The following SLC37A1 variants were observed in gnomAD, a reference collection of about 807,000 sequenced individuals.
SLC37A1 encodes the protein solute carrier family 37 member 1, also known as glucose-6-phosphate exchanger SLC37A1.
SLC37A1 carries 49 observed loss-of-function variants against 75.3 expected under a neutral mutation model. The observed-to-expected ratio is 0.65, with a 90% CI of 0.52 to 0.83. The LOEUF is 0.83. Ranked by LOEUF, SLC37A1 falls within the 40% of genes least tolerant of loss-of-function variation. The probability of loss-of-function intolerance (pLI) is 0.00; values close to 1 mark genes in which losing one functional copy is unlikely to be tolerated. For missense variants in SLC37A1, 566 were observed against 695.0 expected, an observed-to-expected ratio of 0.81 and a Z score of 2.09; for synonymous variants, 268 against 292.1, an observed-to-expected ratio of 0.92 and a Z score of 0.84.
chr21:42,565,869 AC>A lies in SLC37A1; in HGVS notation c.1266del (p.Ile423SerfsTer32). 6.2e-7 allele frequency: 1 copy of A among 1,613,890 alleles called. No individual in the cohort carries two copies. The highest frequency in any genetic ancestry group is 8.5e-7 in the Non-Finnish European group (1 of 1,179,810). On this transcript the variant is annotated frameshift_variant, in exon 15 of 20. Transcript: ENST00000352133. LOFTEE classifies it high-confidence loss of function. The part of the protein sequence containing the change: ...STVSKMGLEA[T>X]IAMLLLSGAL... ...CGTCAGCAAGATGGGGCTTGAGGCC[AC>A]CATCGGTGAGTATGGAGGCCTTCCT...
At chr21:42,577,795 T>A (rs2056339158) in intron 18 of SLC37A1, among the ~76,000 whole-genome samples, 1 of 152,170 alleles carries the variant, frequency 6.6e-6, no homozygotes, top group Non-Finnish European at 1.5e-5. Context: ...CAGGCACTGG[T>A]TATTTACAAG....
rs975649203 is a variant in SLC37A1, at chr21:42,580,747, G to A, written c.*387G>A. 4.6e-5 allele frequency: 14 copies of A among 304,324 alleles called. 1 individual carries two copies. The highest frequency in any genetic ancestry group is 3.2e-4 in the South Asian group (8 of 25,212). 18.9% of individuals were successfully genotyped at this position (304,324 alleles called of 1,614,324 possible). ...CCAGCCACAGAACATCAAAGTGAGC[G>A]AGTACTGCGCTGGCTGTGGCTTCAG... On this transcript the variant is annotated 3_prime_UTR_variant, in exon 20 of 20. Transcript: ENST00000352133.
In SLC37A1 at chr21:42,514,577, C is replaced by T. The variant is rs1229864786; in HGVS notation, c.-319C>T. 3 of 152,250 alleles carry T rather than the reference C, an allele frequency of 2.0e-5. No homozygotes were observed. The highest frequency in any genetic ancestry group is 7.2e-5 in the African/African-American group (3 of 41,468). 9.4% of individuals were successfully genotyped at this position (152,250 alleles called of 1,614,324 possible). ...GGCTGAGCAGCTGGTTCCCGGAGCC[C>T]GTGGGCCTCCTGGCCAATGCGAGTG... On this transcript the variant is annotated 5_prime_UTR_variant, in exon 1 of 20. Coordinates refer to ENST00000352133, the MANE Select transcript of SLC37A1 (RefSeq NM_001320537.2). This position sits in a 1 kb window ranked among gnomAD's most constrained non-coding sequence, Gnocchi z 4.8.
In SLC37A1 at chr21:42,563,711, T is replaced by C. The variant is rs552087191; in HGVS notation, c.1073-104T>C. ...ATTGCTCCTCGGTATAAATCAAGCT[T>C]ATGAAGCCAGAGTCCCGTGCACGGG... On this transcript the variant is annotated intron_variant, in intron 12 of 19. Coordinates refer to ENST00000352133, the MANE Select transcript of SLC37A1 (RefSeq NM_001320537.2). The C allele has an allele frequency of 1.0e-4, 104 of 996,186 alleles. 1 individual carries two copies. In the African/African-American group the frequency reaches 1.4e-3, roughly 14 times the overall value. The allele number at this position is 996,186 out of a possible 1,614,324, so 61.7% of individuals were successfully genotyped here. A position where few individuals can be genotyped will look rare whatever the true frequency, so the allele number is the denominator to read the frequency against.
At chr21:42,542,099 A>C (rs2055296461) in intron 6 of SLC37A1, among the ~76,000 whole-genome samples, 1 of 152,136 alleles carries the variant, frequency 6.6e-6, no homozygotes, top group African/African-American at 2.4e-5. Context: ...CCACACTGTT[A>C]TGAGGTGTGA....
Position 42,534,762 on chromosome 21 carries a change from G to A in SLC37A1, c.203G>A (p.Arg68Lys), listed in dbSNP as rs866318638. 2 of 1,614,118 alleles carry A rather than the reference G, an allele frequency of 1.2e-6. No homozygotes were observed. The highest frequency in any genetic ancestry group is 1.7e-6 in the Non-Finnish European group (2 of 1,180,004). ...EADVRFSSQN[R>K]KSGSAAPHQL... Reference sequence around the variant, plus strand: ...GACGTCAGGTTCAGCAGCCAGAACAGGAAGTCTGGGTCCGCTGCCCCCCAC... The same window carrying A: ...GACGTCAGGTTCAGCAGCCAGAACAAGAAGTCTGGGTCCGCTGCCCCCCAC... Residue 68 changes from arginine to lysine, a missense_variant, in exon 4 of 20, where the codon AGG becomes AAG. By Grantham distance (26) the Arg-to-Lys change is conservative. Coordinates refer to ENST00000352133, the MANE Select transcript of SLC37A1 (RefSeq NM_001320537.2).
intron 10 of SLC37A1, among the ~76,000 whole-genome samples, chr21:42,557,864 G>A (rs893364118): frequency 1.3e-5 from 2 of 151,790 alleles, no homozygotes; most frequent in Non-Finnish European, 2.9e-5. Context: ...AAGCCTGTTT[G>A]ATTTTGTGAA....
chr21:42,579,693 G>T, intron 18 of SLC37A1, 43 bp from the exon 19 acceptor site: 2 of 1,611,470 alleles, frequency 1.2e-6, no homozygotes, highest in South Asian at 2.2e-5. Flanking sequence ...GCCGCCCTGT[G>T]CCTGCTCCAG....
Position 42,564,750 on chromosome 21 carries a change from G to C in SLC37A1, c.1178G>C (p.Arg393Thr). The C allele has an allele frequency of 6.2e-7, 1 of 1,609,770 alleles. No homozygotes were observed. Among genetic ancestry groups the C allele is most frequent in the Non-Finnish European group, 8.5e-7 (1 of 1,179,986 alleles). ...AGVISDRLEK[R>T]ASTCGLMLLL... ...GTGATCTCAGACCGACTGGAGAAAA[G>C]GGCCTCCACCTGCGGCCTGATGCTG... The change falls in exon 14 of 20, where the codon AGG becomes ACG. Residue 393 changes from arginine to threonine, a missense_variant. By Grantham distance (71) the Arg-to-Thr change is moderately conservative. Transcript: ENST00000352133.
chr21:42,530,003 A>G (rs1383772113), intron 3 of SLC37A1, among the ~76,000 whole-genome samples: 3 of 152,196 alleles, frequency 2.0e-5, no homozygotes, highest in Non-Finnish European at 4.4e-5. Flanking sequence ...CTTCATAAGC[A>G]TCTTTATGGC....
At chr21:42,526,936 A>T (rs1184902064) in intron 3 of SLC37A1, among the ~76,000 whole-genome samples, 1 of 152,240 alleles carries the variant, frequency 6.6e-6, no homozygotes, top group African/African-American at 2.4e-5. Context: ...CAGTCATTAT[A>T]AATCTGAATA....
rs75643163 is a variant in SLC37A1 at position 42,558,951 on chromosome 21, C to A, written c.850-7C>A. The A allele has an allele frequency of 0.015, 23,525 of 1,613,566 alleles. 2,874 individuals are homozygous for A. The African/African-American group carries it at 0.27, about 18-fold the overall frequency. ...TTCCTTTTTGTTCCCAATGGATTTG[C>A]CTCCAGGACCCAGAGATGCAGTGCC... On this transcript the variant is annotated splice_region_variant and splice_polypyrimidine_tract_variant and intron_variant, in intron 10 of 19. Coordinates refer to ENST00000352133, the MANE Select transcript of SLC37A1 (RefSeq NM_001320537.2).
At chr21:42,533,602 C>A (rs551120894) in intron 3 of SLC37A1, among the ~76,000 whole-genome samples, 16 of 151,324 alleles carry the variant, frequency 1.1e-4, no homozygotes, top group African/African-American at 3.9e-4. Context: ...CCACTCAGGC[C>A]CCTCTGCCTC....
chr21:42,580,578 T>G lies in SLC37A1; in HGVS notation c.*218T>G, dbSNP rs1601795466. On this transcript the variant is annotated 3_prime_UTR_variant, in exon 20 of 20. Transcript: ENST00000352133. Reference sequence around the variant, plus strand: ...AGTGAGAAAAGTCTGCAGGAACTGCTGCCTGAGCCAAGCCAGAGAACCGAA... The same window carrying G: ...AGTGAGAAAAGTCTGCAGGAACTGCGGCCTGAGCCAAGCCAGAGAACCGAA... 2 of 502,088 alleles carry G rather than the reference T, an allele frequency of 4.0e-6. No individual in the cohort carries two copies. The highest frequency in any genetic ancestry group is 3.9e-5 in the East Asian group (1 of 25,494). 31.1% of individuals were successfully genotyped at this position (502,088 alleles called of 1,614,324 possible).
intron 18 of SLC37A1, chr21:42,575,628 A>G: frequency 1.0e-6 from 1 of 985,522 alleles, no homozygotes; most frequent in Non-Finnish European, 1.2e-6. Flanking sequence ...ACCTGGCCAC[A>G]AAGTCCCCAG....
chr21:42,554,034 G>A (rs368047837), intron 9 of SLC37A1, 28 bp from the exon 10 acceptor site: 26 of 1,579,150 alleles, frequency 1.6e-5, no homozygotes, highest in South Asian at 1.4e-4. Context: ...AATCAGTATC[G>A]CTCTAATGAA....
chr21:42,518,484 C>T lies in SLC37A1; in HGVS notation c.30C>T (p.Phe10=). 1 of 1,614,204 alleles carries T rather than the reference C, an allele frequency of 6.2e-7. No individual in the cohort carries two copies. The highest frequency in any genetic ancestry group is 8.5e-7 in the Non-Finnish European group (1 of 1,180,040). Residue 10 remains phenylalanine, a synonymous_variant, in exon 2 of 20, where the codon TTC becomes TTT. Transcript: ENST00000352133. ...CTCGACTCCCCGCTGGCATTCGCTT[C>T]ATCATCTCATTCTCCAGGGATCAGT... MARLPAGIR[F]IISFSRDQWY...
rs1348036711 is a variant in SLC37A1 at position 42,547,429 on chromosome 21, C to T, written c.768+289C>T. 8.2e-6 allele frequency: 3 copies of T among 363,850 alleles called. No individual in the cohort carries two copies. Among genetic ancestry groups the T allele is most frequent in the African/African-American group, 4.1e-5 (2 of 48,232 alleles). 22.5% of individuals were successfully genotyped at this position (363,850 alleles called of 1,614,324 possible). A position where few individuals can be genotyped will look rare whatever the true frequency, so the allele number is the denominator to read the frequency against. On this transcript the variant is annotated intron_variant, in intron 9 of 19. Coordinates refer to ENST00000352133, the MANE Select transcript of SLC37A1 (RefSeq NM_001320537.2). This position sits in a 1 kb window ranked among gnomAD's most constrained non-coding sequence, Gnocchi z 6.1. ...GGCCAGGCCTCCTCAGGAGTGGAGA[C>T]CTCCTGGTTTCCCCAGGGGCCTCAG... is the stretch of plus-strand genomic sequence containing the variant.
chr21:42,578,236 G>A (rs1474017431), intron 18 of SLC37A1, among the ~76,000 whole-genome samples: 1 of 152,200 alleles, frequency 6.6e-6, no homozygotes, highest in African/African-American at 2.4e-5. Flanking sequence ...GCGCACGACC[G>A]AAGGCCTCAG....
Sources: gnomAD v4.1 joint callset for allele counts (sites outside exome capture counted in the v4.1 genomes callset) on GRCh38, gnomAD v4.1.1 for gene constraint, Gnocchi (gnomAD v3.1) non-coding constraint, MANE v1.5 for transcripts, NCBI Gene and HGNC (gene_info 2026-07-23, HGNC 2026-07-21) for gene names.